The following COL25A1 variants were observed in gnomAD, a reference collection of about 807,000 sequenced individuals.
COL25A1 encodes collagen type XXV alpha 1 chain, also known as collagen alpha-1(XXV) chain.
Under a neutral mutation model 128.4 loss-of-function variants are expected in COL25A1, and 103 were observed. That is an observed-to-expected ratio of 0.80 (90% CI 0.68 to 0.94). The LOEUF (loss-of-function observed/expected upper bound fraction) is 0.94, where lower values mean the gene tolerates loss of function less well. Among genes scored for constraint, COL25A1 ranks in the 40% least tolerant of loss-of-function variants. The pLI is 0.00. For synonymous variants in COL25A1, 279 were observed against 277.2 expected (o/e 1.01, Z -0.06); for missense variants, 745 against 840.0 (o/e 0.89, Z 1.40).
intron 20 of COL25A1, among the ~76,000 whole-genome samples, chr4:108,866,546 G>A (rs1737949253): frequency 6.6e-6 from 1 of 152,142 alleles, no homozygotes; most frequent in Non-Finnish European, 1.5e-5. Context: ...ACTAATGTAG[G>A]TATAAAAGAT....
chr4:109,220,162 T>A (rs1778312167), intron 3 of COL25A1, among the ~76,000 whole-genome samples: 1 of 152,182 alleles, frequency 6.6e-6, no homozygotes, highest in Non-Finnish European at 1.5e-5. Context: ...AAACACACTA[T>A]GAGAAAATCT....
At chr4:109,229,213 AT>A (rs1336859368) in intron 3 of COL25A1, among the ~76,000 whole-genome samples, 1 of 152,200 alleles carries the variant, frequency 6.6e-6, no homozygotes, top group African/African-American at 2.4e-5. Flanking sequence ...TTCCAGAGGC[AT>A]TTTGTCACGT....
chr4:109,014,567 C>T (rs985934761), intron 5 of COL25A1, among the ~76,000 whole-genome samples: 3 of 152,156 alleles, frequency 2.0e-5, no homozygotes, highest in African/African-American at 7.2e-5. Flanking sequence ...TGTGTGCATA[C>T]ACTTATATGT....
intron 3 of COL25A1, among the ~76,000 whole-genome samples, chr4:109,191,151 A>C (rs1376213701): frequency 6.6e-6 from 1 of 152,228 alleles, no homozygotes; most frequent in African/African-American, 2.4e-5. Context: ...TAAATAAGCC[A>C]CAAACCATGC....
At chr4:109,267,335 TA>T (rs1180171626) in intron 3 of COL25A1, among the ~76,000 whole-genome samples, 1 of 152,160 alleles carries the variant, frequency 6.6e-6, no homozygotes, top group Non-Finnish European at 1.5e-5. Flanking sequence ...GTTATTTGAA[TA>T]AAAGCTTTCT....
intron 3 of COL25A1, among the ~76,000 whole-genome samples, chr4:109,192,015 C>A (rs1775663400): frequency 6.6e-6 from 1 of 152,194 alleles, no homozygotes; most frequent in African/African-American, 2.4e-5. Context: ...TCAGAGAGAT[C>A]TTCCTAAGTT....
At chr4:108,949,310 G>A (rs1749127691) in intron 8 of COL25A1, among the ~76,000 whole-genome samples, 1 of 152,032 alleles carries the variant, frequency 6.6e-6, no homozygotes, top group South Asian at 2.1e-4. Context: ...CATTAATAGT[G>A]GTAAAGGCTT....
chr4:109,048,359 A>C (rs1579198869), intron 4 of COL25A1, among the ~76,000 whole-genome samples, 184 bp from the exon 5 acceptor site: 1 of 152,230 alleles, frequency 6.6e-6, no homozygotes, highest in Non-Finnish European at 1.5e-5. Flanking sequence ...ATTTCAAAAA[A>C]ATTTATAATT....
At chr4:108,835,424 GA>G (rs35689434) in intron 31 of COL25A1, among the ~76,000 whole-genome samples, 17,700 of 150,362 alleles carry the variant, frequency 0.12, 1,210 homozygotes, top group East Asian at 0.35. Flanking sequence ...ATACAGAATG[GA>G]AAAAAAAATC....
chr4:109,110,177 T>A (rs139253090), intron 3 of COL25A1, among the ~76,000 whole-genome samples: 6 of 152,234 alleles, frequency 3.9e-5, no homozygotes, highest in Non-Finnish European at 8.8e-5. Context: ...CTTCTTATAT[T>A]AATACTCCTG....
At chr4:109,296,903 C>T (rs1725038066) in intron 3 of COL25A1, among the ~76,000 whole-genome samples, 2 of 152,054 alleles carry the variant, frequency 1.3e-5, no homozygotes, top group Non-Finnish European at 2.9e-5. Flanking sequence ...CATAGATATG[C>T]CTGGTTTATG....
chr4:108,925,786 G>T (rs2125907494), intron 11 of COL25A1, among the ~76,000 whole-genome samples: 1 of 152,218 alleles, frequency 6.6e-6, no homozygotes, highest in African/African-American at 2.4e-5. Context: ...CTCCAGATTA[G>T]CTCTAATTGC....
Position 108,837,708 on chromosome 4 carries a change from G to A in COL25A1, c.1656+3987C>T, listed in dbSNP as rs186317118. 1.9e-4 allele frequency among the ~76,000 whole-genome samples: 29 copies of A among 152,204 alleles called. No individual in the cohort carries two copies. The East Asian group carries it at 3.9e-3, about 20-fold the overall frequency. The stretch of plus-strand genomic sequence containing the variant: ...CCACCAACAGAGGGCTACAGTTTTT[G>A]GTATCCAAGGAGAAAAAACAGTTGA... On this transcript the variant is annotated intron_variant, in intron 31 of 37. Coordinates refer to ENST00000399132, the MANE Select transcript of COL25A1 (RefSeq NM_198721.4).
At chr4:109,060,552 G>C (rs897074138) in intron 3 of COL25A1, among the ~76,000 whole-genome samples, 1 of 152,102 alleles carries the variant, frequency 6.6e-6, no homozygotes, top group African/African-American at 2.4e-5. Context: ...GTCTGGCACA[G>C]AGTAAACATT....
intron 28 of COL25A1, among the ~76,000 whole-genome samples, chr4:108,845,870 T>TACCACATCTTA (rs1735026080): frequency 6.6e-6 from 1 of 152,210 alleles, no homozygotes; most frequent in African/African-American, 2.4e-5. Flanking sequence ...TAAATTAAAG[T>TACCACATCTTA]GGCCAACTAT....
intron 3 of COL25A1, among the ~76,000 whole-genome samples, chr4:109,297,276 A>T (rs1725066366): frequency 6.6e-6 from 1 of 152,152 alleles, no homozygotes; most frequent in Non-Finnish European, 1.5e-5. Context: ...AATCTGTTTT[A>T]AAAATCTTAA....
At chr4:109,137,307 C>T (rs1193045229) in intron 3 of COL25A1, among the ~76,000 whole-genome samples, 1 of 152,126 alleles carries the variant, frequency 6.6e-6, no homozygotes, top group Non-Finnish European at 1.5e-5. Context: ...TGGAACTATC[C>T]ATGAAAATAA....
At chr4:109,101,989 A>C (rs1192333112) in intron 3 of COL25A1, among the ~76,000 whole-genome samples, 1 of 152,186 alleles carries the variant, frequency 6.6e-6, no homozygotes, top group Non-Finnish European at 1.5e-5. Flanking sequence ...GAAATACATC[A>C]CATGTATGTT....
At chr4:109,032,693 A>C (rs1462980473) in intron 5 of COL25A1, among the ~76,000 whole-genome samples, 1 of 152,254 alleles carries the variant, frequency 6.6e-6, no homozygotes, top group African/African-American at 2.4e-5. Flanking sequence ...CTTTTATAGC[A>C]TAGATGTTCT....
Sources: gnomAD v4.1 joint callset for allele counts (sites outside exome capture counted in the v4.1 genomes callset) on GRCh38, gnomAD v4.1.1 for gene constraint, MANE v1.5 for transcripts, NCBI Gene and HGNC (gene_info 2026-07-23, HGNC 2026-07-21) for gene names.